MUSK: variants seen among roughly 807,000 people sequenced by gnomAD.
MUSK encodes muscle associated receptor tyrosine kinase, also known as muscle, skeletal receptor tyrosine-protein kinase.
Under a neutral mutation model 88.7 loss-of-function variants are expected in MUSK, and 55 were observed. The observed-to-expected ratio is 0.62, with a 90% CI of 0.50 to 0.78. The LOEUF (loss-of-function observed/expected upper bound fraction) is 0.78, where lower values mean the gene tolerates loss of function less well. Ranked by LOEUF, MUSK falls within the 30% of genes least tolerant of loss-of-function variation. The pLI, the probability that MUSK is intolerant of heterozygous loss-of-function variation, is 0.00. For missense variants in MUSK, 1,015 were observed against 1,074.3 expected (o/e 0.94, Z 0.77); for synonymous variants, 387 against 391.9 (o/e 0.99, Z 0.15).
At position 110,778,598 on chromosome 9, in the gene MUSK, G is replaced by A. The variant is rs747014692; in HGVS notation, c.1384+1943G>A. Among the ~76,000 whole-genome samples the A allele has an allele frequency of 4.6e-5, 7 of 151,758 alleles. 1 individual carries two copies. Among genetic ancestry groups the A allele is most frequent in the Non-Finnish European group, 1.0e-4 (7 of 67,886 alleles). ...TTCTACAAAATTAAGTACTATGAAC[G>A]TCCTCCATTTTACTTACAACCCAAC... is the stretch of plus-strand genomic sequence containing the variant. On this transcript the variant is annotated intron_variant, in intron 11 of 14. Coordinates refer to ENST00000374448, the MANE Select transcript of MUSK (RefSeq NM_005592.4).
intron 14 of MUSK, among the ~76,000 whole-genome samples, chr9:110,799,909 T>A (rs2078065155): frequency 1.3e-5 from 2 of 152,086 alleles, no homozygotes; most frequent in Non-Finnish European, 2.9e-5. Flanking sequence ...GGGTCAGGGT[T>A]CAACCATGGT....
At chr9:110,709,017 T>C (rs1294441448) in intron 5 of MUSK, among the ~76,000 whole-genome samples, 1 of 152,194 alleles carries the variant, frequency 6.6e-6, no homozygotes, top group Non-Finnish European at 1.5e-5. Context: ...AAAGGAAAAT[T>C]GCTTTCTATT....
chr9:110,690,996 C>G (rs969179134), intron 3 of MUSK, among the ~76,000 whole-genome samples: 1 of 151,172 alleles, frequency 6.6e-6, no homozygotes, highest in Non-Finnish European at 1.5e-5. Context: ...TCCCAAGTAG[C>G]TGAGATTACA....
chr9:110,674,079 GA>G (rs947947966), intron 1 of MUSK, among the ~76,000 whole-genome samples: 1 of 150,418 alleles, frequency 6.6e-6, no homozygotes, highest in Non-Finnish European at 1.5e-5. Context: ...ACCTCACTGA[GA>G]AAAAAAAAGA....
At chr9:110,715,731 T>A in intron 5 of MUSK, among the ~76,000 whole-genome samples, 1 of 148,580 alleles carries the variant, frequency 6.7e-6, no homozygotes, top group Non-Finnish European at 1.5e-5. Context: ...TAAAAGCCCA[T>A]CAATGATAGA....
intron 3 of MUSK, among the ~76,000 whole-genome samples, chr9:110,695,189 G>A (rs1030487985): frequency 6.6e-6 from 1 of 152,124 alleles, no homozygotes; most frequent in Non-Finnish European, 1.5e-5. Flanking sequence ...TTGCTAGTAA[G>A]ATTCTAATAA....
At chr9:110,681,242 T>C (rs1298055129) in intron 1 of MUSK, among the ~76,000 whole-genome samples, 1 of 137,778 alleles carries the variant, frequency 7.3e-6, no homozygotes, top group Non-Finnish European at 1.5e-5. Flanking sequence ...GGGAAGAAAG[T>C]GGCCCTGATG....
chr9:110,760,096 CTT>C (rs1404858486), intron 7 of MUSK, among the ~76,000 whole-genome samples: 4 of 152,140 alleles, frequency 2.6e-5, no homozygotes, highest in African/African-American at 9.7e-5. Flanking sequence ...AAAGGGAACT[CTT>C]ATACACTGCT....
chr9:110,736,837 C>A (rs2077035543), intron 6 of MUSK, among the ~76,000 whole-genome samples: 1 of 152,138 alleles, frequency 6.6e-6, no homozygotes, highest in East Asian at 1.9e-4. Flanking sequence ...CTTGTACCAC[C>A]TTCAACTAAG....
chr9:110,710,292 C>T (rs1372846579), intron 5 of MUSK, among the ~76,000 whole-genome samples: 1 of 152,170 alleles, frequency 6.6e-6, no homozygotes, highest in African/African-American at 2.4e-5. Context: ...TACTTGACCT[C>T]TGCAAGTCTA....
chr9:110,730,092 T>C, intron 5 of MUSK, among the ~76,000 whole-genome samples: 1 of 152,046 alleles, frequency 6.6e-6, no homozygotes, highest in East Asian at 1.9e-4. Flanking sequence ...TTGAGCCCAA[T>C]TTTGAATATA....
chr9:110,783,101 G>C (rs1319017439), intron 11 of MUSK, among the ~76,000 whole-genome samples: 1 of 152,062 alleles, frequency 6.6e-6, no homozygotes, highest in Non-Finnish European at 1.5e-5. Flanking sequence ...CTGCCATAAA[G>C]GTTTTATTTT....
rs1391377974 is a variant in MUSK, at chr9:110,779,155, T to C, written c.1384+2500T>C. Among the ~76,000 whole-genome samples, 3 of 152,100 alleles carry C rather than the reference T, an allele frequency of 2.0e-5. No individual in the cohort carries two copies. The East Asian group carries it at 5.8e-4, about 29-fold the overall frequency. On this transcript the variant is annotated intron_variant, in intron 11 of 14. Transcript: ENST00000374448. Reference sequence around the variant, plus strand: ...GTAATTTTTGTGGTAATATTAAAGTTACAAGTTCTTAGAAAATTGGAGTTT... The same window carrying C: ...GTAATTTTTGTGGTAATATTAAAGTCACAAGTTCTTAGAAAATTGGAGTTT...
At chr9:110,761,960 A>G in intron 7 of MUSK, 1 of 980,640 alleles carries the variant, frequency 1.0e-6, no homozygotes, top group Non-Finnish European at 1.2e-6. Context: ...GATGTTACCC[A>G]TGATTGACTC....
At chr9:110,791,261 G>A (rs2132046465) in intron 14 of MUSK, among the ~76,000 whole-genome samples, 1 of 143,458 alleles carries the variant, frequency 7.0e-6, no homozygotes, top group South Asian at 2.4e-4. Flanking sequence ...TGCGCACCGT[G>A]CGCGAGCCGA....
chr9:110,687,369 C>G, intron 3 of MUSK, 101 bp downstream of exon 3: 2 of 1,384,638 alleles, frequency 1.4e-6, no homozygotes, highest in Non-Finnish European at 2.0e-6. Flanking sequence ...GAGTCTCACT[C>G]TGTTGCTCAG....
chr9:110,804,913 A>T lies in MUSK; in HGVS notation c.*3925A>T, dbSNP rs1421848075. On this transcript the variant is annotated 3_prime_UTR_variant, in exon 15 of 15. Coordinates refer to ENST00000374448, the MANE Select transcript of MUSK (RefSeq NM_005592.4). ...AGATAGATGATACATAGAGAGAGATAGATAGATAATTTAAACAAAAATAAG... is the reference window on the plus strand; with the variant it reads ...AGATAGATGATACATAGAGAGAGATTGATAGATAATTTAAACAAAAATAAG... Among the ~76,000 whole-genome samples, 3 of 151,930 alleles carry T rather than the reference A, an allele frequency of 2.0e-5. No individual in the cohort carries two copies. The highest frequency in any genetic ancestry group is 6.6e-5 in the Admixed American group (1 of 15,258).
At chr9:110,688,597 T>A (rs1183393991) in intron 3 of MUSK, among the ~76,000 whole-genome samples, 1 of 151,984 alleles carries the variant, frequency 6.6e-6, no homozygotes, top group East Asian at 1.9e-4. Context: ...ATTCTATTCT[T>A]CTTGATGTTC....
chr9:110,686,635 G>T (rs1296109687), intron 2 of MUSK, among the ~76,000 whole-genome samples: 1 of 152,118 alleles, frequency 6.6e-6, no homozygotes, highest in Non-Finnish European at 1.5e-5. Flanking sequence ...CTAGAAGTGT[G>T]CCTGGCACTT....
Sources: allele counts gnomAD v4.1 joint callset (sites outside exome capture counted in the v4.1 genomes callset), GRCh38; gene constraint gnomAD v4.1.1; transcripts MANE v1.5; gene names NCBI Gene and HGNC (gene_info 2026-07-23, HGNC 2026-07-21).